TMEM63C: variants seen among roughly 807,000 people sequenced by gnomAD.
The protein encoded by TMEM63C is osmosensitive cation channel TMEM63C.
Under a neutral mutation model 99.2 loss-of-function variants are expected in TMEM63C, and 32 were observed. That is an observed-to-expected ratio of 0.32 (90% CI 0.24 to 0.43). The LOEUF (loss-of-function observed/expected upper bound fraction) is 0.43. TMEM63C is among the 20% of genes least tolerant of loss of function. TMEM63C has a pLI of 1.00. For missense variants in TMEM63C, 826 were observed against 1,053.0 expected (o/e 0.78, Z 2.98); for synonymous variants, 376 against 397.9 (o/e 0.94, Z 0.66).
At chr14:77,233,626 A>G in intron 8 of TMEM63C, 126 bp downstream of exon 8, 1 of 993,954 alleles carries the variant, frequency 1.0e-6, no homozygotes, top group African/African-American at 1.6e-5. Flanking sequence ...TTCCCTGGGA[A>G]TCGGGTCCTG....
chr14:77,254,063 C>A (rs1482740940), intron 23 of TMEM63C, among the ~76,000 whole-genome samples: 1 of 152,124 alleles, frequency 6.6e-6, no homozygotes, highest in African/African-American at 2.4e-5. Context: ...GGCTGGCACT[C>A]GGTGAAAGCA....
At chr14:77,220,300 G>C (rs4903561) in intron 5 of TMEM63C, among the ~76,000 whole-genome samples, 128,107 of 152,188 alleles carry the variant, frequency 0.84, 54,047 homozygotes, top group South Asian at 0.91. Flanking sequence ...CTACTACTAG[G>C]GTGCCAAGTA....
intron 6 of TMEM63C, among the ~76,000 whole-genome samples, chr14:77,226,695 T>C (rs1356429354): frequency 6.6e-6 from 1 of 151,124 alleles, no homozygotes; most frequent in Non-Finnish European, 1.5e-5. Flanking sequence ...AAATCTGGTG[T>C]GACTAGAAGC....
chr14:77,242,818 G>C, intron 14 of TMEM63C, 85 bp from the exon 15 acceptor site: 1 of 1,528,522 alleles, frequency 6.5e-7, no homozygotes, highest in Non-Finnish European at 9.0e-7. Context: ...GGCAGGCTGG[G>C]TCCACAGCTG....
chr14:77,204,692 A>C (rs1473205120), intron 1 of TMEM63C, among the ~76,000 whole-genome samples: 1 of 152,246 alleles, frequency 6.6e-6, no homozygotes, highest in Non-Finnish European at 1.5e-5. Context: ...TAGGTACAAC[A>C]AGGAAAATTA....
chr14:77,202,518 C>T (rs1401356531), intron 1 of TMEM63C, among the ~76,000 whole-genome samples: 1 of 152,142 alleles, frequency 6.6e-6, no homozygotes, highest in Non-Finnish European at 1.5e-5. Context: ...GGGGAGCATC[C>T]TTACTTGCCT....
intron 14 of TMEM63C, 42 bp from the exon 15 acceptor site, chr14:77,242,861 C>A: frequency 6.2e-7 from 1 of 1,612,348 alleles, no homozygotes; most frequent in Non-Finnish European, 8.5e-7. Context: ...GCTCTAAGAA[C>A]TGATGTCTCT....
At chr14:77,226,187 C>T (rs752826378) in intron 6 of TMEM63C, among the ~76,000 whole-genome samples, 3 of 152,214 alleles carry the variant, frequency 2.0e-5, no homozygotes, top group Non-Finnish European at 4.4e-5. Flanking sequence ...CACTCATGGG[C>T]TCTCCCTCAG....
intron 10 of TMEM63C, among the ~76,000 whole-genome samples, chr14:77,239,118 C>T (rs556979187): frequency 6.6e-6 from 1 of 152,226 alleles, no homozygotes; most frequent in African/African-American, 2.4e-5. Flanking sequence ...GCCCCAAGGA[C>T]ACTGTTCACT....
At chr14:77,202,861 A>G (rs890662625) in intron 1 of TMEM63C, among the ~76,000 whole-genome samples, 1 of 70,394 alleles carries the variant, frequency 1.4e-5, no homozygotes, top group Non-Finnish European at 4.1e-5. Context: ...ACACACACAC[A>G]CACACGCACA....
chr14:77,223,152 A>G (rs559755209), intron 5 of TMEM63C, among the ~76,000 whole-genome samples: 1 of 152,260 alleles, frequency 6.6e-6, no homozygotes, highest in African/African-American at 2.4e-5. Context: ...AGGCAGCAAC[A>G]TCTACCTTGC....
At chr14:77,202,872 C>G (rs1388105362) in intron 1 of TMEM63C, among the ~76,000 whole-genome samples, 1 of 140,458 alleles carries the variant, frequency 7.1e-6, no homozygotes, top group Non-Finnish European at 1.6e-5. Context: ...CACACGCACA[C>G]ACACCCCTCT....
chr14:77,238,947 G>A (rs1889108718), intron 10 of TMEM63C, among the ~76,000 whole-genome samples, 180 bp downstream of exon 10: 1 of 152,208 alleles, frequency 6.6e-6, no homozygotes, highest in Non-Finnish European at 1.5e-5. Context: ...AGCTGGAGCA[G>A]GGTGTCTGAA....
At chr14:77,200,642 C>T (rs1466875422) in intron 1 of TMEM63C, among the ~76,000 whole-genome samples, 2 of 152,258 alleles carry the variant, frequency 1.3e-5, no homozygotes, top group African/African-American at 4.8e-5. Flanking sequence ...CCTGGCTCTG[C>T]TGCCCCTGAG....
chr14:77,248,804 C>T lies in TMEM63C; in HGVS notation c.1802C>T (p.Ala601Val), dbSNP rs749012437. 4.3e-5 allele frequency: 70 copies of T among 1,613,924 alleles called. No homozygotes were observed. Among genetic ancestry groups the T allele is most frequent in the African/African-American group, 5.3e-5 (4 of 74,940 alleles). Residue 601 changes from alanine to valine, a missense_variant, in exon 20 of 24, where the codon GCG (alanine) becomes GTG (valine). Coordinates refer to ENST00000298351, the MANE Select transcript of TMEM63C (RefSeq NM_020431.4). The stretch of plus-strand genomic sequence containing the variant: ...GACTTCCAGTTTGGGCGTGAGTATG[C>T]GTGGATGATGAACGTGTTCAGCGTG... Reference protein sequence around the residue: ...AIDFQFGREYAWMMNVFSVVM... With the variant: ...AIDFQFGREYVWMMNVFSVVM...
chr14:77,200,430 T>C (rs2140096655), intron 1 of TMEM63C, among the ~76,000 whole-genome samples: 1 of 152,320 alleles, frequency 6.6e-6, no homozygotes, highest in South Asian at 2.1e-4. Flanking sequence ...GCTCCCACTA[T>C]GGTAGCAGGG....
At position 77,233,591 on chromosome 14, in the gene TMEM63C, G is replaced by A. The variant is rs147636937; in HGVS notation, c.542+91G>A. On this transcript the variant is annotated intron_variant, in intron 8 of 23. Coordinates refer to ENST00000298351, the MANE Select transcript of TMEM63C (RefSeq NM_020431.4). The stretch of plus-strand genomic sequence containing the variant: ...CATGTCAGTTTGCAACATGGGCAGC[G>A]TTTTGCTGATAAGAAAGGCCTGGTT... 1.7e-3 allele frequency: 2,373 copies of A among 1,356,532 alleles called. 14 individuals are homozygous for A. In the African/African-American group the frequency reaches 0.021, roughly 12 times the overall value. 84.0% of individuals were successfully genotyped at this position (1,356,532 alleles called of 1,614,324 possible). A position where few individuals can be genotyped will look rare whatever the true frequency, so the allele number is the denominator to read the frequency against.
At position 77,183,707 on chromosome 14, in the gene TMEM63C, A is replaced by T. The variant is rs144575449; in HGVS notation, c.-77+1813A>T. 3.4e-3 allele frequency among the ~76,000 whole-genome samples: 519 copies of T among 152,334 alleles called. 3 individuals carry two copies. The highest frequency in any genetic ancestry group is 0.012 in the African/African-American group (497 of 41,570). The stretch of plus-strand genomic sequence containing the variant: ...GCTCCTTTTCAGACACCCTCTGAGC[A>T]CAGAACCCCTGACGCTGGCCCCTGC... On this transcript the variant is annotated intron_variant, in intron 1 of 23. Coordinates refer to ENST00000298351, the MANE Select transcript of TMEM63C (RefSeq NM_020431.4).
At chr14:77,239,820 C>A (rs1566628957) in intron 12 of TMEM63C, 94 bp downstream of exon 12, 7 of 1,500,846 alleles carry the variant, frequency 4.7e-6, no homozygotes, top group Non-Finnish European at 6.3e-6. Context: ...GGGCCCCAGG[C>A]CTCACTCAGG....
Sources: gnomAD v4.1 joint callset for allele counts (sites outside exome capture counted in the v4.1 genomes callset) on GRCh38, gnomAD v4.1.1 for gene constraint, MANE v1.5 for transcripts, NCBI Gene and HGNC (gene_info 2026-07-23, HGNC 2026-07-21) for gene names.